Variants in RPS6KA3 observed in about 807,000 individuals in gnomAD.
The protein encoded by RPS6KA3 is ribosomal protein S6 kinase A3.
RPS6KA3 carries 4 observed loss-of-function variants against 67.2 expected under a neutral mutation model. The ratio of observed to expected loss-of-function variants is 0.06; its 90% CI spans 0.03 to 0.14. The LOEUF (loss-of-function observed/expected upper bound fraction) is 0.14. Among genes scored for constraint, RPS6KA3 ranks in the 10% least tolerant of loss-of-function variants. RPS6KA3 has a pLI of 1.00. For missense variants in RPS6KA3, 204 were observed against 559.0 expected, an observed-to-expected ratio of 0.36 and a Z score of 6.40; for synonymous variants, 182 against 183.7, an observed-to-expected ratio of 0.99 and a Z score of 0.07.
At chrX:20,171,390 T>C (rs972927238) in intron 15 of RPS6KA3, among the ~76,000 whole-genome samples, 3 of 111,647 alleles carry the variant, frequency 2.7e-5, no homozygotes, top group African/African-American at 6.5e-5. Flanking sequence ...TAGTGTGGAA[T>C]TAGGCAAATG....
At chrX:20,220,699 G>A (rs1482839819) in intron 2 of RPS6KA3, among the ~76,000 whole-genome samples, 1 of 111,818 alleles carries the variant, frequency 8.9e-6, no homozygotes, top group Non-Finnish European at 1.9e-5. Flanking sequence ...CACATTTTGC[G>A]TGTGTTATGG....
At chrX:20,197,174 T>C (rs1484616583) in intron 4 of RPS6KA3, among the ~76,000 whole-genome samples, 1 of 112,661 alleles carries the variant, frequency 8.9e-6, no homozygotes, top group East Asian at 2.8e-4. Flanking sequence ...GTGAGTGAAG[T>C]TCATCACCAA....
chrX:20,156,115 T>C lies in RPS6KA3; in HGVS notation c.2094A>G (p.Leu698=), dbSNP rs1393612411. ...ACTGTATGGGGCTGCTCACCTTTAC[T>C]AGATGTGGTGCATCCTGTCTGTTTA... is the stretch of plus-strand genomic sequence containing the variant. ...YQLNRQDAPH[L]VKGAMAATYS... Residue 698 remains leucine (L), a synonymous_variant, in exon 21 of 22, where the codon CTA becomes CTG. Transcript: ENST00000379565. The C allele has an allele frequency of 8.3e-7, 1 of 1,211,042 alleles. No individual in the cohort carries two copies.
Position 20,155,292 on chromosome X carries a change from C to T in RPS6KA3, c.*106G>A. 1 of 906,655 alleles carries T rather than the reference C, an allele frequency of 1.1e-6. No homozygotes were observed. 74.7% of individuals were successfully genotyped at this position (906,655 alleles called of 1,213,427 possible). On this transcript the variant is annotated 3_prime_UTR_variant, in exon 22 of 22. Transcript: ENST00000379565. ...GGAACAGCAGCATTATGGGTACCAG[C>T]TGGGACAGTGTGTGCTTGCAGGTGT... is the stretch of plus-strand genomic sequence containing the variant.
At chrX:20,214,876 T>C (rs2068810671) in intron 2 of RPS6KA3, among the ~76,000 whole-genome samples, 1 of 103,603 alleles carries the variant, frequency 9.7e-6, no homozygotes, top group Non-Finnish European at 2.0e-5. Flanking sequence ...TCTCACTCTG[T>C]CACCCACGCT....
intron 10 of RPS6KA3, among the ~76,000 whole-genome samples, chrX:20,180,514 A>G (rs968877702): frequency 8.9e-6 from 1 of 112,125 alleles, no homozygotes; most frequent in African/African-American, 3.2e-5. Context: ...TGAATTGATC[A>G]ATGACAACTT....
In RPS6KA3 at chrX:20,150,596, C is replaced by T. The variant is rs1300738688; in HGVS notation, c.*4802G>A. 2 of 112,050 alleles carry T rather than the reference C, an allele frequency of 1.8e-5. No individual in the cohort carries two copies. The highest frequency in any genetic ancestry group is 6.5e-5 in the African/African-American group (2 of 30,836). 9.2% of individuals were successfully genotyped at this position (112,050 alleles called of 1,213,427 possible). A position where few individuals can be genotyped will look rare whatever the true frequency, so the allele number is the denominator to read the frequency against. ...AAAATCTTTATGCCCTTGCTTTGTA[C>T]GTGAAAGTTCTATTTTAAATACTTG... On this transcript the variant is annotated 3_prime_UTR_variant, in exon 22 of 22. Transcript: ENST00000379565.
At chrX:20,244,070 TAATA>T (rs2069621858) in intron 1 of RPS6KA3, among the ~76,000 whole-genome samples, 1 of 112,027 alleles carries the variant, frequency 8.9e-6, no homozygotes, top group African/African-American at 3.2e-5. Flanking sequence ...TCAACTAGCA[TAATA>T]AATAAGGACA....
At chrX:20,189,754 C>T (rs2068076824) in intron 7 of RPS6KA3, among the ~76,000 whole-genome samples, 1 of 112,284 alleles carries the variant, frequency 8.9e-6, no homozygotes, top group Admixed American at 9.5e-5. Flanking sequence ...CATTTCCTTA[C>T]TTTTATTTTA....
At chrX:20,248,335 G>A (rs1487912797) in intron 1 of RPS6KA3, among the ~76,000 whole-genome samples, 1 of 112,226 alleles carries the variant, frequency 8.9e-6, no homozygotes, top group East Asian at 2.8e-4. Context: ...TAATGAGAAT[G>A]CCTACAATAT....
At chrX:20,201,938 G>A (rs1462868699) in intron 4 of RPS6KA3, among the ~76,000 whole-genome samples, 1 of 106,366 alleles carries the variant, frequency 9.4e-6, no homozygotes, top group Non-Finnish European at 1.9e-5. Context: ...GTTTGTTATG[G>A]TGTTATTTTC....
intron 3 of RPS6KA3, among the ~76,000 whole-genome samples, chrX:20,206,620 G>T (rs1367507682): frequency 8.9e-6 from 1 of 112,146 alleles, no homozygotes; most frequent in Non-Finnish European, 1.9e-5. Flanking sequence ...TTAGTCTAGT[G>T]GGGGAGACAG....
intron 21 of RPS6KA3, 120 bp downstream of exon 21, chrX:20,155,989 G>T: frequency 1.3e-6 from 1 of 795,632 alleles, no homozygotes; most frequent in Admixed American, 2.2e-5. Context: ...CACTGTAAGA[G>T]AATCCCACAA....
intron 1 of RPS6KA3, among the ~76,000 whole-genome samples, chrX:20,258,675 CA>C (rs1183810813): frequency 9.0e-6 from 1 of 111,688 alleles, no homozygotes; most frequent in Non-Finnish European, 1.9e-5. Context: ...ATATGGTGGA[CA>C]AAACAAGTTT....
rs755364182 is a variant in RPS6KA3 at position 20,193,546 on chromosome X, T to G, written c.534A>C (p.Ala178=). The part of the protein sequence containing the change: ...EDVKFYLAEL[A]LALDHLHSLG... Reference sequence around the variant, plus strand: ...GGCTATGTAGATGGTCTAAAGCAAGTGCAAGTTCAGCCAAGTAGAATTTGA... The same window carrying G: ...GGCTATGTAGATGGTCTAAAGCAAGGGCAAGTTCAGCCAAGTAGAATTTGA... The change falls in exon 7 of 22, where the codon GCA becomes GCC. Residue 178 remains alanine (A), a synonymous_variant. Coordinates refer to ENST00000379565, the MANE Select transcript of RPS6KA3 (RefSeq NM_004586.3). 8.3e-7 allele frequency: 1 copy of G among 1,201,087 alleles called. No homozygotes were observed. Among genetic ancestry groups the G allele is most frequent in the Non-Finnish European group, 1.1e-6 (1 of 886,212 alleles).
intron 1 of RPS6KA3, among the ~76,000 whole-genome samples, chrX:20,257,568 G>C (rs2070108024): frequency 8.9e-6 from 1 of 111,891 alleles, no homozygotes; most frequent in Non-Finnish European, 1.9e-5. Context: ...ATAGGGTAGG[G>C]CTAAGTTGTT....
At chrX:20,200,958 T>A (rs962862234) in intron 4 of RPS6KA3, among the ~76,000 whole-genome samples, 1 of 108,629 alleles carries the variant, frequency 9.2e-6, no homozygotes, top group African/African-American at 3.4e-5. Flanking sequence ...GCTGAAATTA[T>A]AGGAATGAGC....
intron 19 of RPS6KA3, among the ~76,000 whole-genome samples, 190 bp from the exon 20 acceptor site, chrX:20,161,951 C>T (rs1231850545): frequency 1.8e-5 from 2 of 108,286 alleles, no homozygotes; most frequent in East Asian, 5.6e-4. Context: ...ATTTAATATA[C>T]AAATTATTGT....
chrX:20,237,185 C>G (rs774990192), intron 1 of RPS6KA3, among the ~76,000 whole-genome samples: 6 of 111,354 alleles, frequency 5.4e-5, no homozygotes, highest in Admixed American at 9.6e-5. Flanking sequence ...CACCTCTGGC[C>G]CACCAATCTG....
Sources: allele counts gnomAD v4.1 joint callset (sites outside exome capture counted in the v4.1 genomes callset), GRCh38; gene constraint gnomAD v4.1.1; transcripts MANE v1.5; gene names NCBI Gene and HGNC (gene_info 2026-07-23, HGNC 2026-07-21).